The following CHIC1 variants were observed in gnomAD, a reference collection of about 807,000 sequenced individuals.
CHIC1 encodes cysteine-rich hydrophobic domain-containing protein 1.
In CHIC1, 7 loss-of-function variants were observed where a neutral mutation model predicts 18.5. That is an observed-to-expected ratio of 0.38 (90% CI 0.22 to 0.71). The LOEUF is 0.71. Ranked by LOEUF, CHIC1 falls within the 30% of genes least tolerant of loss-of-function variation. The pLI is 0.49. For synonymous variants in CHIC1, 77 were observed against 73.5 expected, an observed-to-expected ratio of 1.05 and a Z score of -0.25; for missense variants, 159 against 176.9, an observed-to-expected ratio of 0.90 and a Z score of 0.57.
intron 3 of CHIC1, among the ~76,000 whole-genome samples, chrX:73,647,464 C>T (rs963612895): frequency 1.8e-5 from 2 of 112,058 alleles, no homozygotes; most frequent in African/African-American, 6.5e-5. Flanking sequence ...CACTAAGCTC[C>T]ATGGGCAGGG....
intron 3 of CHIC1, among the ~76,000 whole-genome samples, chrX:73,634,976 G>A (rs992057600): frequency 2.7e-5 from 3 of 110,898 alleles, no homozygotes; most frequent in African/African-American, 9.9e-5. Flanking sequence ...TTACAGTGCT[G>A]AAACCTTAGT....
chrX:73,564,802 T>TTG (rs1245152130), intron 1 of CHIC1, among the ~76,000 whole-genome samples: 1 of 92,476 alleles, frequency 1.1e-5, no homozygotes, highest in Non-Finnish European at 2.1e-5. Context: ...TTTTTTTTTT[T>TTG]TTTTTTTTTT....
At chrX:73,603,060 G>T (rs186110071) in intron 3 of CHIC1, among the ~76,000 whole-genome samples, 1 of 108,743 alleles carries the variant, frequency 9.2e-6, no homozygotes, top group East Asian at 2.8e-4. Context: ...AATGTTAATG[G>T]TAGCTTGATA....
At chrX:73,645,285 C>G (rs2057883629) in intron 3 of CHIC1, among the ~76,000 whole-genome samples, 1 of 111,936 alleles carries the variant, frequency 8.9e-6, no homozygotes, top group African/African-American at 3.2e-5. Context: ...TGTATATGTG[C>G]TACATTTTCT....
chrX:73,674,500 G>A (rs1047349487), intron 3 of CHIC1, among the ~76,000 whole-genome samples: 3 of 112,112 alleles, frequency 2.7e-5, no homozygotes, highest in African/African-American at 9.7e-5. Context: ...CTTTCTTCTA[G>A]ATTTTCTAGT....
At chrX:73,606,614 C>G (rs181058678) in intron 3 of CHIC1, among the ~76,000 whole-genome samples, 1 of 108,297 alleles carries the variant, frequency 9.2e-6, no homozygotes, top group Admixed American at 9.7e-5. Context: ...TTCTCATCTT[C>G]ATGGATTTGT....
At chrX:73,612,182 T>G (rs1322608140) in intron 3 of CHIC1, among the ~76,000 whole-genome samples, 2 of 111,925 alleles carry the variant, frequency 1.8e-5, no homozygotes, top group Admixed American at 1.9e-4. Context: ...TAATCCATCT[T>G]GAATTAATTT....
At chrX:73,620,767 C>T (rs1423991411) in intron 3 of CHIC1, among the ~76,000 whole-genome samples, 1 of 111,922 alleles carries the variant, frequency 8.9e-6, no homozygotes, top group East Asian at 2.8e-4. Flanking sequence ...GTCATGAAGT[C>T]TTTGCCCATG....
chrX:73,648,592 T>G (rs751425666), intron 3 of CHIC1, among the ~76,000 whole-genome samples: 1 of 111,509 alleles, frequency 9.0e-6, no homozygotes, highest in African/African-American at 3.3e-5. Context: ...AACAGCTGAA[T>G]TGACCAAGTG....
chrX:73,686,427 T>G lies in CHIC1; in HGVS notation c.*5422T>G, dbSNP rs1418650001. On this transcript the variant is annotated 3_prime_UTR_variant, in exon 6 of 6. Transcript: ENST00000373502. ...ATACACACACATATAGGATTACAAA[T>G]GTGGAAAATGTTATAATGTCATATT... is the stretch of plus-strand genomic sequence containing the variant. 3 of 111,743 alleles carry G rather than the reference T, an allele frequency of 2.7e-5. No homozygotes were observed. The highest frequency in any genetic ancestry group is 4.6e-3 in the Middle Eastern group (1 of 216). 9.2% of individuals were successfully genotyped at this position (111,743 alleles called of 1,213,427 possible).
intron 3 of CHIC1, among the ~76,000 whole-genome samples, chrX:73,599,602 T>C (rs1303394864): frequency 1.9e-5 from 2 of 104,014 alleles, no homozygotes; most frequent in South Asian, 4.2e-4. Context: ...CCTTTCCCCA[T>C]TGCTTGTTTT....
chrX:73,628,738 A>G (rs1252843359), intron 3 of CHIC1, among the ~76,000 whole-genome samples: 1 of 111,247 alleles, frequency 9.0e-6, no homozygotes, highest in Non-Finnish European at 1.9e-5. Context: ...ATATGAAGTT[A>G]AAACCAGGTA....
At chrX:73,637,019 G>A (rs993701475) in intron 3 of CHIC1, among the ~76,000 whole-genome samples, 1 of 111,603 alleles carries the variant, frequency 9.0e-6, no homozygotes, top group African/African-American at 3.3e-5. Flanking sequence ...CTGGCATTGA[G>A]TTACTTTCTA....
At chrX:73,635,144 T>G (rs2057826070) in intron 3 of CHIC1, among the ~76,000 whole-genome samples, 2 of 111,857 alleles carry the variant, frequency 1.8e-5, no homozygotes, top group South Asian at 3.8e-4. Flanking sequence ...TAAATGATCA[T>G]GTGGTTGTTT....
chrX:73,612,886 T>G (rs1182801013), intron 3 of CHIC1, among the ~76,000 whole-genome samples: 1 of 112,051 alleles, frequency 8.9e-6, no homozygotes, highest in Non-Finnish European at 1.9e-5. Context: ...GGATAGATGA[T>G]CTATCTAATG....
At chrX:73,657,292 C>T (rs918016932) in intron 3 of CHIC1, among the ~76,000 whole-genome samples, 2 of 110,532 alleles carry the variant, frequency 1.8e-5, no homozygotes, top group Non-Finnish European at 3.8e-5. Context: ...GATCCCCGAC[C>T]TCATGATCCA....
chrX:73,588,746 A>G (rs1012391960), intron 3 of CHIC1, among the ~76,000 whole-genome samples: 8 of 110,520 alleles, frequency 7.2e-5, no homozygotes, highest in Middle Eastern at 4.3e-3. Flanking sequence ...TACACATTCA[A>G]TATTTACTTG....
rs2057828484 is a variant in CHIC1, at chrX:73,635,674, C to A, written c.508-43652C>A. Reference sequence around the variant, plus strand: ...TTATTTACCATATTCTCTTACAATTCATTTTTTATTTTTTTAAACCAGTAG... The same window carrying A: ...TTATTTACCATATTCTCTTACAATTAATTTTTTATTTTTTTAAACCAGTAG... On this transcript the variant is annotated intron_variant, in intron 3 of 5. Coordinates refer to ENST00000373502, the MANE Select transcript of CHIC1 (RefSeq NM_001039840.4). Among the ~76,000 whole-genome samples the A allele has an allele frequency of 2.7e-5, 3 of 111,803 alleles. No individual in the cohort carries two copies. The South Asian group carries it at 1.1e-3, about 42-fold the overall frequency.
intron 3 of CHIC1, among the ~76,000 whole-genome samples, chrX:73,593,055 C>T (rs1238900570): frequency 9.1e-6 from 1 of 110,216 alleles, no homozygotes; most frequent in Non-Finnish European, 1.9e-5. Flanking sequence ...TGTAATGTCT[C>T]CTTTGTCATT....
Sources: allele counts gnomAD v4.1 joint callset (sites outside exome capture counted in the v4.1 genomes callset), GRCh38; gene constraint gnomAD v4.1.1; transcripts MANE v1.5; gene names NCBI Gene and HGNC (gene_info 2026-07-23, HGNC 2026-07-21).